Variants in RPTOR observed in about 807,000 individuals in gnomAD.
RPTOR encodes regulatory associated protein of MTOR complex 1, also known as regulatory-associated protein of mTOR.
RPTOR carries 21 observed loss-of-function variants against 169.9 expected under a neutral mutation model. The observed-to-expected ratio is 0.12, with a 90% CI of 0.09 to 0.18. The LOEUF (loss-of-function observed/expected upper bound fraction) is 0.18, where lower values mean the gene tolerates loss of function less well. RPTOR is among the 10% of genes least tolerant of loss of function. The pLI, the probability that RPTOR is intolerant of heterozygous loss-of-function variation, is 1.00. For missense variants in RPTOR, 1,133 were observed against 1,855.9 expected, an observed-to-expected ratio of 0.61 and a Z score of 7.16; for synonymous variants, 732 against 753.2, an observed-to-expected ratio of 0.97 and a Z score of 0.46.
chr17:80,673,250 C>G (rs146098408), intron 3 of RPTOR, among the ~76,000 whole-genome samples: 1 of 152,148 alleles, frequency 6.6e-6, no homozygotes, highest in Non-Finnish European at 1.5e-5. Flanking sequence ...AGGAAAAATA[C>G]GTTTCCTGTA....
chr17:80,647,118 T>C (rs1170304037), intron 3 of RPTOR, among the ~76,000 whole-genome samples: 1 of 152,244 alleles, frequency 6.6e-6, no homozygotes, highest in Non-Finnish European at 1.5e-5. Flanking sequence ...TGCCAGCCAC[T>C]ATCTGGCCCG....
chr17:80,752,550 A>T (rs181571101), intron 5 of RPTOR, among the ~76,000 whole-genome samples: 7 of 152,382 alleles, frequency 4.6e-5, no homozygotes, highest in African/African-American at 1.7e-4. Flanking sequence ...CCAAAATGCC[A>T]GGAATTCTTG....
chr17:80,606,330 A>G (rs2065229050), intron 1 of RPTOR, among the ~76,000 whole-genome samples: 2 of 87,666 alleles, frequency 2.3e-5, no homozygotes, highest in Non-Finnish European at 4.5e-5. Context: ...TTTTTTTTTG[A>G]GACAGGGCTT....
Position 80,695,181 on chromosome 17 carries a change from T to A in RPTOR, c.349-12660T>A, listed in dbSNP as rs1341282589. 6.6e-6 allele frequency among the ~76,000 whole-genome samples: 1 copy of A among 152,108 alleles called. No individual in the cohort carries two copies. Among genetic ancestry groups the A allele is most frequent in the African/African-American group, 2.4e-5 (1 of 41,424 alleles). On this transcript the variant is annotated intron_variant, in intron 3 of 33. Coordinates refer to ENST00000306801, the MANE Select transcript of RPTOR (RefSeq NM_020761.3). The surrounding 1 kb of genome is among the most constrained non-coding windows in gnomAD (Gnocchi z 4.9). ...GGTGGTAAGAGTGAGGCGGGTAGAA[T>A]GCATGTGCCCAAGACAGAGGCTGCC...
intron 6 of RPTOR, among the ~76,000 whole-genome samples, chr17:80,786,096 T>C (rs1260508238): frequency 1.3e-5 from 2 of 152,224 alleles, no homozygotes; most frequent in Middle Eastern, 3.4e-3. Flanking sequence ...GTCCTGAAGG[T>C]CATAGCAGAG....
In RPTOR at chr17:80,721,414, C is replaced by T. The variant is rs1027342063; in HGVS notation, c.508-9146C>T. Among the ~76,000 whole-genome samples the T allele has an allele frequency of 7.3e-5, 11 of 151,546 alleles. 1 individual carries two copies. Among genetic ancestry groups the T allele is most frequent in the African/African-American group, 2.7e-4 (11 of 40,848 alleles). Reference sequence around the variant, plus strand: ...GTGTGAGAATCACTCACTTCCTCGGCAGGGCCTGCACGCACCTGGTGCAGG... The same window carrying T: ...GTGTGAGAATCACTCACTTCCTCGGTAGGGCCTGCACGCACCTGGTGCAGG... On this transcript the variant is annotated intron_variant, in intron 4 of 33. Coordinates refer to ENST00000306801, the MANE Select transcript of RPTOR (RefSeq NM_020761.3). This position sits in a 1 kb window ranked among gnomAD's most constrained non-coding sequence, Gnocchi z 4.7.
rs138308925 is a variant in RPTOR, at chr17:80,912,378, G to A, written c.2520+3449G>A. Among the ~76,000 whole-genome samples the A allele has an allele frequency of 2.0e-4, 31 of 152,222 alleles. No individual in the cohort carries two copies. The East Asian group carries it at 5.0e-3, about 25-fold the overall frequency. On this transcript the variant is annotated intron_variant, in intron 21 of 33. Coordinates refer to ENST00000306801, the MANE Select transcript of RPTOR (RefSeq NM_020761.3). Reference sequence around the variant, plus strand: ...TTTCCCCCAATTAATTTAGCTTCTTGGGTATTTTGATCATGATGAAATCAG... The same window carrying A: ...TTTCCCCCAATTAATTTAGCTTCTTAGGTATTTTGATCATGATGAAATCAG...
chr17:80,815,133 C>T (rs1385468705), intron 7 of RPTOR, among the ~76,000 whole-genome samples: 22 of 152,226 alleles, frequency 1.4e-4, no homozygotes, highest in South Asian at 2.1e-4. Flanking sequence ...CCATGGCAGC[C>T]GCGTGACTGT....
At chr17:80,895,745 G>T (rs577913881) in intron 20 of RPTOR, among the ~76,000 whole-genome samples, 2 of 152,142 alleles carry the variant, frequency 1.3e-5, no homozygotes, top group African/African-American at 4.8e-5. Flanking sequence ...CCCCCATCTC[G>T]CCACTCTCTA....
chr17:80,751,647 C>G (rs2066631531), intron 5 of RPTOR, among the ~76,000 whole-genome samples: 1 of 152,238 alleles, frequency 6.6e-6, no homozygotes, highest in South Asian at 2.1e-4. Context: ...TTCATCGTCA[C>G]TTACAATATT....
chr17:80,939,641 T>C (rs7224976), intron 24 of RPTOR, among the ~76,000 whole-genome samples: 135,108 of 152,168 alleles, frequency 0.89, 60,192 homozygotes, highest in African/African-American at 0.95. Context: ...GGTCCCACAC[T>C]CTCTCGGGGC....
chr17:80,722,920 G>C (rs1240673241), intron 4 of RPTOR, among the ~76,000 whole-genome samples: 2 of 151,432 alleles, frequency 1.3e-5, no homozygotes, highest in Admixed American at 6.5e-5. Flanking sequence ...CTTGTCCTCT[G>C]GTCCTCCCAG....
At chr17:80,790,679 C>A (rs1220027137) in intron 6 of RPTOR, among the ~76,000 whole-genome samples, 2 of 152,212 alleles carry the variant, frequency 1.3e-5, no homozygotes, top group Non-Finnish European at 2.9e-5. Context: ...TCACTTCCAG[C>A]CAACAGTCCG....
intron 1 of RPTOR, among the ~76,000 whole-genome samples, chr17:80,607,022 A>G (rs999845505): frequency 6.6e-6 from 1 of 152,192 alleles, no homozygotes; most frequent in African/African-American, 2.4e-5. Context: ...CAGCACATGA[A>G]GGCGCCCACA....
intron 28 of RPTOR, among the ~76,000 whole-genome samples, chr17:80,956,621 G>A (rs909135686): frequency 1.3e-5 from 2 of 152,258 alleles, no homozygotes; most frequent in Admixed American, 6.5e-5. Flanking sequence ...AAGTCACCCA[G>A]ACCTGCCAGT....
chr17:80,839,397 C>T (rs1406740089), intron 10 of RPTOR, among the ~76,000 whole-genome samples: 2 of 152,204 alleles, frequency 1.3e-5, no homozygotes, highest in East Asian at 3.8e-4. Context: ...GCACCCCATG[C>T]CCACCACTTA....
At chr17:80,598,135 C>T (rs796364952) in intron 1 of RPTOR, among the ~76,000 whole-genome samples, 5 of 150,092 alleles carry the variant, frequency 3.3e-5, no homozygotes, top group African/African-American at 1.3e-4. Context: ...GAGTGAAACC[C>T]TGTCTCAAAA....
rs547787723 is a variant in RPTOR, at chr17:80,922,808, G to A, written c.2605G>A (p.Val869Met). The change falls in exon 22 of 34, where the codon GTG becomes ATG. Residue 869 changes from valine to methionine, a missense_variant. Coordinates refer to ENST00000306801, the MANE Select transcript of RPTOR (RefSeq NM_020761.3). ...SAPASPTNKG[V>M]HIHQAGGSPP... ...CCCCGCCAGCCCCACCAACAAGGGC[G>A]TGCACATCCACCAGGCGGGGTAAGT... The A allele has an allele frequency of 1.6e-5, 25 of 1,581,100 alleles. No individual in the cohort carries two copies. The highest frequency in any genetic ancestry group is 2.7e-5 in the African/African-American group (2 of 74,140).
chr17:80,667,065 C>G (rs1411823373), intron 3 of RPTOR, among the ~76,000 whole-genome samples: 1 of 152,108 alleles, frequency 6.6e-6, no homozygotes, highest in African/African-American at 2.4e-5. Context: ...CCCAATAACC[C>G]CGGGAGGAAG....
Sources: gnomAD v4.1 joint callset for allele counts (sites outside exome capture counted in the v4.1 genomes callset) on GRCh38, gnomAD v4.1.1 for gene constraint, Gnocchi (gnomAD v3.1) non-coding constraint, MANE v1.5 for transcripts, NCBI Gene and HGNC (gene_info 2026-07-23, HGNC 2026-07-21) for gene names.